The following TTI1 variants were observed in gnomAD, a reference collection of about 807,000 sequenced individuals.
TTI1 encodes TELO2-interacting protein 1 homolog.
A neutral mutation model predicts 85.4 loss-of-function variants in TTI1; 52 were observed. That is an observed-to-expected ratio of 0.61 (90% CI 0.49 to 0.77). TTI1 has a LOEUF of 0.77. Among genes scored for constraint, TTI1 ranks in the 30% least tolerant of loss-of-function variants. The pLI is 0.00. For synonymous variants in TTI1, 512 were observed against 503.9 expected (o/e 1.02, Z -0.22); for missense variants, 1,173 against 1,296.0 (o/e 0.91, Z 1.46).
At position 38,012,483 on chromosome 20, in the gene TTI1, A is replaced by G. The variant is rs143395006; in HGVS notation, c.1334T>C (p.Ile445Thr). The change falls in exon 2 of 8, where the codon ATT becomes ACT. Residue 445 changes from isoleucine to threonine, a missense_variant. Ile to Thr is a moderately conservative substitution (Grantham distance 89, BLOSUM62 -1). Coordinates refer to ENST00000373447, the MANE Select transcript of TTI1 (RefSeq NM_001303457.2). ...VLELDVADIK[I>T]VEERRWNSDD... ...AGAGTTCCAACGCCGTTCCTCAACA[A>G]TCTTGATGTCAGCCACGTCTAGCTC... is the stretch of plus-strand genomic sequence containing the variant. 4.2e-5 allele frequency: 67 copies of G among 1,614,054 alleles called. No individual in the cohort carries two copies. The highest frequency in any genetic ancestry group is 5.5e-5 in the Non-Finnish European group (65 of 1,180,046).
At chr20:37,988,932 T>C (rs1171380335) in intron 7 of TTI1, among the ~76,000 whole-genome samples, 1 of 152,228 alleles carries the variant, frequency 6.6e-6, no homozygotes, top group African/African-American at 2.4e-5. Context: ...AAGGAGGCTG[T>C]GTGTTTCCTT....
chr20:38,028,069 T>C (rs1405451481), intron 1 of TTI1, among the ~76,000 whole-genome samples: 2 of 152,222 alleles, frequency 1.3e-5, no homozygotes, highest in African/African-American at 2.4e-5. Context: ...AAAATCTGCA[T>C]ATAAATAGAT....
chr20:38,009,651 C>A (rs1386073198), intron 2 of TTI1, among the ~76,000 whole-genome samples: 3 of 151,912 alleles, frequency 2.0e-5, no homozygotes, highest in Non-Finnish European at 4.4e-5. Context: ...CAGGCATGTA[C>A]CGCCACTCCC....
intron 7 of TTI1, among the ~76,000 whole-genome samples, chr20:37,984,413 T>C (rs2073163794): frequency 6.6e-6 from 1 of 152,334 alleles, no homozygotes; most frequent in South Asian, 2.1e-4. Context: ...GGGTGGTTTT[T>C]ATCTTCGTCT....
At chr20:38,021,984 G>A (rs903811417) in intron 1 of TTI1, among the ~76,000 whole-genome samples, 1 of 152,192 alleles carries the variant, frequency 6.6e-6, no homozygotes, top group Non-Finnish European at 1.5e-5. Flanking sequence ...GAATGAATAC[G>A]AACAAGGAAG....
rs866287231 is a variant in TTI1, at chr20:38,007,930, C to T, written c.2303-1533G>A. On this transcript the variant is annotated intron_variant, in intron 2 of 7. Coordinates refer to ENST00000373447, the MANE Select transcript of TTI1 (RefSeq NM_001303457.2). ...CCAAATAGTTAAAACCTGGACCCAGCATTTACACTGCTAAGACTAGATATG... is the reference window on the plus strand; with the variant it reads ...CCAAATAGTTAAAACCTGGACCCAGTATTTACACTGCTAAGACTAGATATG... Among the ~76,000 whole-genome samples, 5 of 152,210 alleles carry T rather than the reference C, an allele frequency of 3.3e-5. No homozygotes were observed. In the South Asian group the frequency reaches 1.0e-3, roughly 32 times the overall value.
Position 38,012,230 on chromosome 20 carries a change from C to A in TTI1, c.1587G>T (p.Leu529=), listed in dbSNP as rs768075706. The part of the protein sequence containing the change: ...RKQAAMILNE[L]VTGAAGLEVE... ...CCTCCAGCCCAGCAGCCCCTGTAAC[C>A]AGTTCATTAAGGATCATGGCAGCTT... Residue 529 remains leucine, a synonymous_variant, in exon 2 of 8, where the codon CTG becomes CTT. Coordinates refer to ENST00000373447, the MANE Select transcript of TTI1 (RefSeq NM_001303457.2). 146 of 1,614,064 alleles carry A rather than the reference C, an allele frequency of 9.0e-5. No homozygotes were observed. The highest frequency in any genetic ancestry group is 1.2e-4 in the Non-Finnish European group (140 of 1,180,048).
intron 7 of TTI1, among the ~76,000 whole-genome samples, chr20:37,984,722 C>A (rs1265622393): frequency 6.6e-6 from 1 of 152,312 alleles, no homozygotes; most frequent in South Asian, 2.1e-4. Flanking sequence ...TTTCAGGACA[C>A]CTTTCCTAGC....
chr20:38,025,386 T>A (rs575177971), intron 1 of TTI1, among the ~76,000 whole-genome samples: 1 of 152,134 alleles, frequency 6.6e-6, no homozygotes, highest in Non-Finnish European at 1.5e-5. Flanking sequence ...CTGGCCAACA[T>A]GGTGAAACCG....
Position 38,011,553 on chromosome 20 carries a change from G to A in TTI1, c.2264C>T (p.Ser755Phe). The A allele has an allele frequency of 6.2e-7, 1 of 1,614,184 alleles. No individual in the cohort carries two copies. Residue 755 changes from serine to phenylalanine, a missense_variant, in exon 2 of 8, where the codon TCC (serine) becomes TTC (phenylalanine). Physicochemically the swap from Ser to Phe is radical, Grantham distance 155 (BLOSUM62 -2). Transcript: ENST00000373447. ...LDQFYDKRAA[S>F]FVSVLHALMA... ...CAGAGCATGCAGAACGCTGACAAAG[G>A]AAGCAGCTCTCTTATCGTAAAATTG...
intron 3 of TTI1, among the ~76,000 whole-genome samples, chr20:38,005,259 G>A (rs779793953): frequency 2.0e-5 from 3 of 152,162 alleles, no homozygotes; most frequent in Non-Finnish European, 4.4e-5. Flanking sequence ...ATGGTTCTGA[G>A]ACCACCAAGC....
rs1389834775 is a variant in TTI1, at chr20:38,030,165, A to G, written c.-42+3239T>C. On this transcript the variant is annotated intron_variant, in intron 1 of 7. Coordinates refer to ENST00000373447, the MANE Select transcript of TTI1 (RefSeq NM_001303457.2). ...ATTTTAACAGCTTTATAACTTTTAA[A>G]TAAACTGAATTTGTCACTTAAAAAC... Among the ~76,000 whole-genome samples the G allele has an allele frequency of 3.3e-5, 5 of 151,900 alleles. No individual in the cohort carries two copies. In the East Asian group the frequency reaches 9.7e-4, roughly 29 times the overall value.
At chr20:38,014,540 T>C (rs1156861104) in intron 1 of TTI1, among the ~76,000 whole-genome samples, 2 of 152,072 alleles carry the variant, frequency 1.3e-5, no homozygotes, top group African/African-American at 4.8e-5. Context: ...CCCAGGAGCC[T>C]GTAATATGGG....
intron 7 of TTI1, among the ~76,000 whole-genome samples, chr20:37,990,824 G>A (rs751810553): frequency 6.6e-6 from 1 of 152,190 alleles, no homozygotes; most frequent in Non-Finnish European, 1.5e-5. Flanking sequence ...GGCATGCACT[G>A]TGCACACACA....
intron 5 of TTI1, 67 bp from the exon 6 acceptor site, chr20:37,997,020 TG>T: frequency 1.3e-6 from 2 of 1,538,338 alleles, no homozygotes; most frequent in East Asian, 4.6e-5. Flanking sequence ...AAAGAATGCT[TG>T]GTAATTCGAT....
intron 2 of TTI1, among the ~76,000 whole-genome samples, chr20:38,008,307 A>G (rs2073531872): frequency 6.6e-6 from 1 of 152,210 alleles, no homozygotes; most frequent in African/African-American, 2.4e-5. Flanking sequence ...GACATGTCCA[A>G]AATGACCTAC....
chr20:38,020,319 A>AT (rs1555795761), intron 1 of TTI1, among the ~76,000 whole-genome samples: 10 of 44,166 alleles, frequency 2.3e-4, no homozygotes, highest in African/African-American at 8.8e-4. Flanking sequence ...TGAAAAAAAA[A>AT]AAAAATATAT....
At chr20:38,011,299 C>T (rs908113843) in intron 2 of TTI1, among the ~76,000 whole-genome samples, 3 of 152,056 alleles carry the variant, frequency 2.0e-5, no homozygotes, top group Non-Finnish European at 4.4e-5. Flanking sequence ...AGGGTTTATA[C>T]CCTGGCATAG....
At chr20:38,025,208 A>G (rs2073821004) in intron 1 of TTI1, among the ~76,000 whole-genome samples, 1 of 152,182 alleles carries the variant, frequency 6.6e-6, no homozygotes, top group South Asian at 2.1e-4. Context: ...AACATTATAC[A>G]GAAATGTCCG....
Sources: gnomAD v4.1 joint callset for allele counts (sites outside exome capture counted in the v4.1 genomes callset) on GRCh38, gnomAD v4.1.1 for gene constraint, MANE v1.5 for transcripts, NCBI Gene and HGNC (gene_info 2026-07-23, HGNC 2026-07-21) for gene names.